UBL3: variants seen among roughly 807,000 people sequenced by gnomAD.
UBL3 encodes the protein ubiquitin like 3.
A neutral mutation model predicts 18.4 loss-of-function variants in UBL3; 6 were observed. The observed-to-expected ratio is 0.33, with a 90% CI of 0.18 to 0.64. The LOEUF (loss-of-function observed/expected upper bound fraction) is 0.64. UBL3 is among the 30% of genes least tolerant of loss of function. The pLI is 0.76. For synonymous variants in UBL3, 49 were observed against 46.6 expected, an observed-to-expected ratio of 1.05 and a Z score of -0.21; for missense variants, 109 against 142.9, an observed-to-expected ratio of 0.76 and a Z score of 1.21.
In UBL3 at chr13:29,810,205, GT is replaced by G. The variant is rs544347973; in HGVS notation, c.28-32943del. 1.3e-4 allele frequency among the ~76,000 whole-genome samples: 20 copies of G among 152,184 alleles called. No homozygotes were observed. In the East Asian group the frequency reaches 2.7e-3, roughly 21 times the overall value. On this transcript the variant is annotated intron_variant, in intron 1 of 4. Transcript: ENST00000380680. ...TATCAATAGGATCAATCCTAAATTT[GT>G]TTTTTAAAAAGTGGAGATGTTAAAA... is the stretch of plus-strand genomic sequence containing the variant.
intron 1 of UBL3, among the ~76,000 whole-genome samples, chr13:29,806,045 C>T (rs575241385): frequency 5.3e-5 from 8 of 152,202 alleles, no homozygotes; most frequent in African/African-American, 1.7e-4. Context: ...GGCATGGTGG[C>T]GTGTGCCTGT....
chr13:29,827,932 C>T (rs1433825831), intron 1 of UBL3, among the ~76,000 whole-genome samples: 1 of 152,204 alleles, frequency 6.6e-6, no homozygotes, highest in African/African-American at 2.4e-5. Context: ...TTCTTCTTCA[C>T]TTACGAAGCT....
intron 1 of UBL3, among the ~76,000 whole-genome samples, chr13:29,849,276 T>A (rs1879307178): frequency 6.6e-6 from 1 of 152,160 alleles, no homozygotes; most frequent in African/African-American, 2.4e-5. Context: ...ATGATACATT[T>A]CCCTACTTCT....
At chr13:29,771,682 G>A (rs1021875500) in intron 3 of UBL3, among the ~76,000 whole-genome samples, 3 of 151,968 alleles carry the variant, frequency 2.0e-5, no homozygotes, top group Admixed American at 2.0e-4. Flanking sequence ...TCTAATGTCA[G>A]CCACCTACTT....
At chr13:29,772,234 C>T in intron 2 of UBL3, 36 bp from the exon 3 acceptor site, 1 of 1,538,604 alleles carries the variant, frequency 6.5e-7, no homozygotes, top group Non-Finnish European at 8.9e-7. Flanking sequence ...AGGTATATTC[C>T]AACATATAAT....
intron 1 of UBL3, among the ~76,000 whole-genome samples, chr13:29,845,293 G>A (rs1879201911): frequency 6.6e-6 from 1 of 151,970 alleles, no homozygotes; most frequent in East Asian, 1.9e-4. Flanking sequence ...AAAATTCAGA[G>A]AAACATTCAA....
intron 1 of UBL3, among the ~76,000 whole-genome samples, chr13:29,801,657 C>T (rs536671733): frequency 6.6e-6 from 1 of 152,278 alleles, no homozygotes; most frequent in South Asian, 2.1e-4. Context: ...TTGTTGCCCT[C>T]GGACCGGGGA....
intron 1 of UBL3, among the ~76,000 whole-genome samples, chr13:29,835,641 T>C (rs890363939): frequency 1.3e-5 from 2 of 148,958 alleles, no homozygotes; most frequent in Admixed American, 6.8e-5. Flanking sequence ...TGTAGTCCCA[T>C]CTACTCGGGA....
At chr13:29,836,775 G>T (rs1878971988) in intron 1 of UBL3, among the ~76,000 whole-genome samples, 2 of 152,152 alleles carry the variant, frequency 1.3e-5, no homozygotes, top group African/African-American at 2.4e-5. Flanking sequence ...AAAGAAAGGG[G>T]CCCAATATTC....
At chr13:29,800,365 G>A (rs1483519103) in intron 1 of UBL3, among the ~76,000 whole-genome samples, 1 of 152,168 alleles carries the variant, frequency 6.6e-6, no homozygotes, top group African/African-American at 2.4e-5. Flanking sequence ...CCAATGAGTA[G>A]GCAGATTTGA....
chr13:29,849,075 C>G (rs895588047), intron 1 of UBL3, among the ~76,000 whole-genome samples: 1 of 152,216 alleles, frequency 6.6e-6, no homozygotes, highest in Non-Finnish European at 1.5e-5. Context: ...TGAAAAATAT[C>G]AAGTTCGTCC....
rs879269810 is a variant in UBL3, at chr13:29,805,714, C to T, written c.28-28451G>A. On this transcript the variant is annotated intron_variant, in intron 1 of 4. Coordinates refer to ENST00000380680, the MANE Select transcript of UBL3 (RefSeq NM_007106.4). ...GCTGAGATGATAGAACATGATTTCA[C>T]CTATTCATTATATACATTTTCCATG... Among the ~76,000 whole-genome samples the T allele has an allele frequency of 4.6e-5, 7 of 152,134 alleles. 1 individual carries two copies. The highest frequency in any genetic ancestry group is 4.6e-4 in the Admixed American group (7 of 15,272).
chr13:29,781,743 G>A (rs1414231753), intron 1 of UBL3, among the ~76,000 whole-genome samples: 1 of 151,250 alleles, frequency 6.6e-6, no homozygotes, highest in Non-Finnish European at 1.5e-5. Context: ...CAGCACTTTG[G>A]GAGACTGAAG....
At chr13:29,835,106 A>T (rs1878895342) in intron 1 of UBL3, among the ~76,000 whole-genome samples, 1 of 28,228 alleles carries the variant, frequency 3.5e-5, no homozygotes, top group African/African-American at 3.5e-4. Context: ...ATATATATAT[A>T]AATATATATA....
chr13:29,800,411 T>C (rs951034246), intron 1 of UBL3, among the ~76,000 whole-genome samples: 2 of 152,228 alleles, frequency 1.3e-5, no homozygotes, highest in Non-Finnish European at 2.9e-5. Flanking sequence ...GTAAGCCTGT[T>C]TGAAAAGTCA....
intron 1 of UBL3, among the ~76,000 whole-genome samples, chr13:29,842,575 G>A (rs529055889): frequency 6.6e-6 from 1 of 152,182 alleles, no homozygotes; most frequent in South Asian, 2.1e-4. Context: ...TCACCTGGTG[G>A]GTATTAAGAG....
chr13:29,840,564 A>AT (rs10632341), intron 1 of UBL3, among the ~76,000 whole-genome samples: 108,684 of 152,116 alleles, frequency 0.71, 39,523 homozygotes, highest in East Asian at 0.9. Flanking sequence ...ACAAAAAAAA[A>AT]CTCAATGAAG....
intron 1 of UBL3, among the ~76,000 whole-genome samples, chr13:29,828,308 A>T (rs1878677709): frequency 6.6e-6 from 1 of 152,184 alleles, no homozygotes; most frequent in African/African-American, 2.4e-5. Flanking sequence ...CATCACTTTC[A>T]GGTACACCAA....
Position 29,817,442 on chromosome 13 carries a change from A to G in UBL3, c.27+32070T>C, listed in dbSNP as rs114006396. On this transcript the variant is annotated intron_variant, in intron 1 of 4. Transcript: ENST00000380680. ...TTAATCACTGCTTAGTCCCTGCTCT[A>G]CTTGGTAGGGGAGGGGTACAGGGTT... 7.8e-3 allele frequency among the ~76,000 whole-genome samples: 1,192 copies of G among 152,230 alleles called. 17 individuals are homozygous for G. Among genetic ancestry groups the G allele is most frequent in the African/African-American group, 0.027 (1,134 of 41,546 alleles).
Sources: allele counts gnomAD v4.1 joint callset (sites outside exome capture counted in the v4.1 genomes callset), GRCh38; gene constraint gnomAD v4.1.1; transcripts MANE v1.5; gene names NCBI Gene and HGNC (gene_info 2026-07-23, HGNC 2026-07-21).